The following BTBD9 variants were observed in gnomAD, a reference collection of about 807,000 sequenced individuals.
BTBD9 encodes BTB domain containing 9.
BTBD9 carries 49 observed loss-of-function variants against 64.3 expected under a neutral mutation model. The ratio of observed to expected loss-of-function variants is 0.76; its 90% CI spans 0.61 to 0.97. The LOEUF (loss-of-function observed/expected upper bound fraction) is 0.97. Among genes scored for constraint, BTBD9 ranks in the 50% least tolerant of loss-of-function variants. The probability of loss-of-function intolerance (pLI) is 0.00; values close to 1 mark genes in which losing one functional copy is unlikely to be tolerated. For synonymous variants in BTBD9, 260 were observed against 274.7 expected, an observed-to-expected ratio of 0.95 and a Z score of 0.53; for missense variants, 598 against 762.1, an observed-to-expected ratio of 0.78 and a Z score of 2.53.
Position 38,594,266 on chromosome 6 carries a change from T to A in BTBD9, c.247A>T (p.Thr83Ser). 6.2e-7 allele frequency: 1 copy of A among 1,614,114 alleles called. No homozygotes were observed. Among genetic ancestry groups the A allele is most frequent in the Non-Finnish European group, 8.5e-7 (1 of 1,179,972 alleles). The change falls in exon 3 of 11, where the codon ACC becomes TCC. Residue 83 changes from threonine (T) to serine (S), a missense_variant. By Grantham distance (58) the Thr-to-Ser change is moderately conservative. Transcript: ENST00000481247. ...QPEAEIPLQD[T>S]TAEAFTMLLK... The stretch of plus-strand genomic sequence containing the variant: ...AGCATTGTGAATGCTTCTGCAGTGG[T>A]GTCTTGGAGAGGAATTTCTGCTTCA...
intron 9 of BTBD9, among the ~76,000 whole-genome samples, chr6:38,219,293 C>T (rs1284744651): frequency 2.4e-5 from 3 of 126,752 alleles, no homozygotes; most frequent in African/African-American, 8.9e-5. Flanking sequence ...CGCCACCACA[C>T]CCAGCTAATT....
chr6:38,210,075 A>G lies in BTBD9; in HGVS notation c.1563-17478T>C, dbSNP rs561353683. On this transcript the variant is annotated intron_variant, in intron 9 of 10. Coordinates refer to ENST00000481247, the MANE Select transcript of BTBD9 (RefSeq NM_001099272.2). ...GGTTTGAATGACTACGTGGGGAGAC[A>G]GGGGAAGGGGGTGTTTTAATGCTCG... Among the ~76,000 whole-genome samples the G allele has an allele frequency of 1.0e-3, 157 of 152,150 alleles. 1 individual carries two copies. Among genetic ancestry groups the G allele is most frequent in the African/African-American group, 3.4e-3 (140 of 41,514 alleles).
At chr6:38,473,968 G>A (rs150888059) in intron 6 of BTBD9, among the ~76,000 whole-genome samples, 1 of 152,192 alleles carries the variant, frequency 6.6e-6, no homozygotes, top group East Asian at 1.9e-4. Flanking sequence ...CCCTAAGATA[G>A]GAAAGAGCTT....
At chr6:38,281,994 C>A (rs1017877752) in intron 8 of BTBD9, among the ~76,000 whole-genome samples, 1 of 152,208 alleles carries the variant, frequency 6.6e-6, no homozygotes, top group Admixed American at 6.5e-5. Context: ...ATACTTAATG[C>A]ATAGCATATT....
chr6:38,441,825 C>T (rs1769048095), intron 6 of BTBD9, among the ~76,000 whole-genome samples: 1 of 152,130 alleles, frequency 6.6e-6, no homozygotes, highest in Non-Finnish European at 1.5e-5. Flanking sequence ...TTCCTGACAA[C>T]AACCTATGAA....
intron 7 of BTBD9, among the ~76,000 whole-genome samples, chr6:38,334,623 AACATAAAAT>A (rs1343693932): frequency 7.1e-6 from 1 of 140,066 alleles, no homozygotes; most frequent in Non-Finnish European, 1.5e-5. Flanking sequence ...AACATAACAT[AACATAAAAT>A]AAATAAAATA....
intron 7 of BTBD9, among the ~76,000 whole-genome samples, chr6:38,341,873 G>C (rs947878315): frequency 1.3e-5 from 2 of 152,194 alleles, no homozygotes; most frequent in African/African-American, 2.4e-5. Flanking sequence ...GAAAGGCCCA[G>C]CTCTGGGCAA....
At chr6:38,498,445 T>C (rs1161219248) in intron 6 of BTBD9, among the ~76,000 whole-genome samples, 6 of 132,794 alleles carry the variant, frequency 4.5e-5, no homozygotes, top group Middle Eastern at 3.7e-3. Context: ...TCTATCTTTT[T>C]CTATCTAGTA....
At chr6:38,368,095 T>A (rs938819531) in intron 6 of BTBD9, among the ~76,000 whole-genome samples, 2 of 152,178 alleles carry the variant, frequency 1.3e-5, no homozygotes, top group African/African-American at 4.8e-5. Context: ...CACACCAATG[T>A]TTTGCACCTC....
intron 6 of BTBD9, among the ~76,000 whole-genome samples, chr6:38,374,307 G>GTATATATATATATATGTATATA: frequency 1.7e-5 from 1 of 59,094 alleles, no homozygotes; most frequent in African/African-American, 7.9e-5. Flanking sequence ...GTATATATAT[G>GTATATATATATATATGTATATA]TATATATATA....
intron 6 of BTBD9, among the ~76,000 whole-genome samples, chr6:38,460,137 C>A (rs530866948): frequency 4.1e-4 from 62 of 152,328 alleles, no homozygotes; most frequent in Middle Eastern, 3.4e-3. Context: ...AGTTAACAGA[C>A]TTCTCTGTTA....
intron 6 of BTBD9, among the ~76,000 whole-genome samples, chr6:38,503,620 C>G (rs1772316222): frequency 6.6e-6 from 1 of 152,158 alleles, no homozygotes; most frequent in Non-Finnish European, 1.5e-5. Flanking sequence ...TGCCCTTTCA[C>G]AGTTCTAGCT....
intron 6 of BTBD9, among the ~76,000 whole-genome samples, chr6:38,487,417 CAAAAA>C (rs1771495528): frequency 6.6e-6 from 1 of 151,620 alleles, no homozygotes. Flanking sequence ...CCCAGCTCTA[CAAAAA>C]ATACAAAAAT....
At chr6:38,515,524 A>G (rs567921524) in intron 6 of BTBD9, among the ~76,000 whole-genome samples, 2 of 152,348 alleles carry the variant, frequency 1.3e-5, no homozygotes, top group African/African-American at 4.8e-5. Flanking sequence ...TAATGGCATC[A>G]TGACATTGAA....
intron 1 of BTBD9, among the ~76,000 whole-genome samples, chr6:38,606,642 G>GT (rs1562411626): frequency 6.6e-6 from 1 of 152,182 alleles, no homozygotes; most frequent in East Asian, 1.9e-4. Context: ...TTAGAATCTG[G>GT]TAACAAATTA....
chr6:38,471,649 G>A (rs1001934159), intron 6 of BTBD9, among the ~76,000 whole-genome samples: 8 of 151,944 alleles, frequency 5.3e-5, no homozygotes, highest in Non-Finnish European at 8.8e-5. Flanking sequence ...CCTCCCAAAG[G>A]GCTGGGATTA....
chr6:38,620,957 C>T (rs1174241918), intron 1 of BTBD9, among the ~76,000 whole-genome samples: 1 of 152,140 alleles, frequency 6.6e-6, no homozygotes, highest in Non-Finnish European at 1.5e-5. Context: ...CTTAAGCCTT[C>T]CCACAGGACA....
chr6:38,623,631 A>G (rs1778071985), intron 1 of BTBD9, among the ~76,000 whole-genome samples: 1 of 152,214 alleles, frequency 6.6e-6, no homozygotes, highest in Non-Finnish European at 1.5e-5. Context: ...CGGCATTTAC[A>G]GGAAAAGGCT....
chr6:38,219,433 T>C (rs1763127052), intron 9 of BTBD9, among the ~76,000 whole-genome samples: 1 of 151,966 alleles, frequency 6.6e-6, no homozygotes, highest in Non-Finnish European at 1.5e-5. Flanking sequence ...TGAGCCACCA[T>C]GCCCGGCCTC....
Sources: allele counts gnomAD v4.1 joint callset (sites outside exome capture counted in the v4.1 genomes callset), GRCh38; gene constraint gnomAD v4.1.1; transcripts MANE v1.5; gene names NCBI Gene and HGNC (gene_info 2026-07-23, HGNC 2026-07-21).